The following GALNT13 variants were observed in gnomAD, a reference collection of about 807,000 sequenced individuals.
GALNT13 encodes polypeptide N-acetylgalactosaminyltransferase 13.
Under a neutral mutation model 64.2 loss-of-function variants are expected in GALNT13, and 28 were observed. The ratio of observed to expected loss-of-function variants is 0.44; its 90% confidence interval spans 0.32 to 0.60. The LOEUF (loss-of-function observed/expected upper bound fraction) is 0.60, where lower values mean the gene tolerates loss of function less well. Ranked by LOEUF, GALNT13 falls within the 20% of genes least tolerant of loss-of-function variation. GALNT13 has a pLI of 0.05. For synonymous variants in GALNT13, 214 were observed against 224.6 expected (o/e 0.95, Z 0.42); for missense variants, 577 against 669.8 (o/e 0.86, Z 1.53).
chr2:153,922,912 T>G (rs1349295523), intron 2 of GALNT13, among the ~76,000 whole-genome samples: 1 of 152,088 alleles, frequency 6.6e-6, no homozygotes, highest in Non-Finnish European at 1.5e-5. Flanking sequence ...AAATTTTTTA[T>G]TTTTTGAAAC....
the GALNT13 span, among the ~76,000 whole-genome samples, chr2:153,386,587 G>A: frequency 6.6e-6 from 1 of 152,004 alleles, no homozygotes; most frequent in African/African-American, 2.4e-5. Context: ...GGTAGTAAAA[G>A]TCACCCAGGG....
the GALNT13 span, among the ~76,000 whole-genome samples, chr2:153,358,979 A>G: frequency 6.6e-6 from 1 of 152,188 alleles, no homozygotes; most frequent in Non-Finnish European, 1.5e-5. Context: ...ATTTTATACA[A>G]ATGGTATATT....
At chr2:153,493,085 A>C in the GALNT13 span, among the ~76,000 whole-genome samples, 1 of 152,122 alleles carries the variant, frequency 6.6e-6, no homozygotes, top group Non-Finnish European at 1.5e-5. Flanking sequence ...GAAGGACCTA[A>C]AATGAAGAGC....
At chr2:153,884,493 T>C (rs1221630525) in intron 1 of GALNT13, among the ~76,000 whole-genome samples, 1 of 151,758 alleles carries the variant, frequency 6.6e-6, no homozygotes, top group African/African-American at 2.4e-5. Flanking sequence ...TTCTTGGCAC[T>C]TTTGTCACTG....
At chr2:154,438,808 C>G (rs1332381272) in intron 12 of GALNT13, 82 bp downstream of exon 12, 34 of 1,173,240 alleles carry the variant, frequency 2.9e-5, no homozygotes, top group Non-Finnish European at 3.7e-5. Flanking sequence ...AAATCTTAAG[C>G]TGGTTTTTAT....
At chr2:153,124,490 G>A in the GALNT13 span, among the ~76,000 whole-genome samples, 1 of 152,064 alleles carries the variant, frequency 6.6e-6, no homozygotes, top group Admixed American at 6.6e-5. Flanking sequence ...AAACAGGTTA[G>A]CTCGCTTTGT....
At chr2:153,625,587 T>G in the GALNT13 span, among the ~76,000 whole-genome samples, 1 of 152,064 alleles carries the variant, frequency 6.6e-6, no homozygotes, top group Non-Finnish European at 1.5e-5. Flanking sequence ...TTTTACGGAG[T>G]CCCTGTTCTG....
intron 7 of GALNT13, among the ~76,000 whole-genome samples, chr2:154,248,606 T>A (rs1314102822): frequency 6.6e-6 from 1 of 152,122 alleles, no homozygotes; most frequent in Non-Finnish European, 1.5e-5. Flanking sequence ...TTTTCAAAAA[T>A]TACCAACACT....
intron 1 of GALNT13, among the ~76,000 whole-genome samples, chr2:153,880,912 A>C (rs886645265): frequency 9.2e-5 from 14 of 152,020 alleles, no homozygotes; most frequent in Non-Finnish European, 1.5e-5. Context: ...ATAAATCTTC[A>C]TGTAGCCAGA....
At chr2:153,178,513 G>A in the GALNT13 span, among the ~76,000 whole-genome samples, 2 of 152,014 alleles carry the variant, frequency 1.3e-5, no homozygotes, top group Non-Finnish European at 2.9e-5. Context: ...TTATCTTTGA[G>A]AACTATCTGT....
At chr2:153,728,250 G>A in the GALNT13 span, among the ~76,000 whole-genome samples, 14 of 152,122 alleles carry the variant, frequency 9.2e-5, no homozygotes, top group Admixed American at 5.2e-4. Context: ...ACTCCTTTGA[G>A]TATATACCCA....
chr2:154,214,535 G>T (rs1687942446), intron 4 of GALNT13, among the ~76,000 whole-genome samples: 1 of 152,032 alleles, frequency 6.6e-6, no homozygotes, highest in Non-Finnish European at 1.5e-5. Context: ...ACGTGTTAAG[G>T]GTGGGATCAG....
the GALNT13 span, among the ~76,000 whole-genome samples, chr2:153,386,911 CATA>C: frequency 6.6e-6 from 1 of 152,066 alleles, no homozygotes; most frequent in South Asian, 2.1e-4. Context: ...TTAGTTAAAA[CATA>C]ATAATAATGT....
chr2:153,743,548 G>C, the GALNT13 span, among the ~76,000 whole-genome samples: 4 of 150,900 alleles, frequency 2.7e-5, no homozygotes, highest in Admixed American at 2.6e-4. Context: ...TATTTTTGTG[G>C]GTATATTATA....
chr2:153,592,887 G>A, the GALNT13 span: 2 of 152,266 alleles, frequency 1.3e-5, no homozygotes, highest in Non-Finnish European at 2.9e-5. Context: ...TAGAGAGCCG[G>A]GTGAAATACA....
the GALNT13 span, among the ~76,000 whole-genome samples, chr2:153,714,364 T>C: frequency 6.6e-6 from 1 of 152,172 alleles, no homozygotes; most frequent in Non-Finnish European, 1.5e-5. Context: ...AAATACACAA[T>C]AGGCATGTAT....
chr2:154,172,422 A>T (rs1685407336), intron 4 of GALNT13, among the ~76,000 whole-genome samples: 1 of 151,860 alleles, frequency 6.6e-6, no homozygotes, highest in Admixed American at 6.6e-5. Flanking sequence ...TGGACCCATT[A>T]ATCAACTTTT....
intron 3 of GALNT13, among the ~76,000 whole-genome samples, chr2:153,978,979 T>C (rs1046166733): frequency 2.0e-5 from 3 of 152,046 alleles, no homozygotes; most frequent in Non-Finnish European, 4.4e-5. Context: ...ATAATAACAA[T>C]ACAGTAATAT....
the GALNT13 span, among the ~76,000 whole-genome samples, chr2:153,287,951 C>T: frequency 6.6e-6 from 1 of 152,154 alleles, no homozygotes. Flanking sequence ...CCCTGCCCCC[C>T]TCCCATATCA....
Sources: allele counts gnomAD v4.1 joint callset (sites outside exome capture counted in the v4.1 genomes callset), GRCh38; gene constraint gnomAD v4.1.1; transcripts MANE v1.5; gene names NCBI Gene and HGNC (gene_info 2026-07-23, HGNC 2026-07-21).